Variants in CFAP46 observed in about 807,000 individuals in gnomAD.
CFAP46 encodes cilia and flagella associated protein 46.
In CFAP46, 245 loss-of-function variants were observed where a neutral mutation model predicts 325.7. The ratio of observed to expected loss-of-function variants is 0.75; its 90% CI spans 0.68 to 0.84. The LOEUF (loss-of-function observed/expected upper bound fraction) is 0.84. Ranked by LOEUF, CFAP46 falls within the 40% of genes least tolerant of loss-of-function variation. The pLI, the probability that CFAP46 is intolerant of heterozygous loss-of-function variation, is 0.00. For missense variants in CFAP46, 3,346 were observed against 3,543.0 expected (o/e 0.94, Z 1.41); for synonymous variants, 1,523 against 1,495.9 (o/e 1.02, Z -0.42).
Position 132,834,234 on chromosome 10 carries a change from C to T in CFAP46, c.6867-111G>A, listed in dbSNP as rs376257826. On this transcript the variant is annotated intron_variant, in intron 48 of 57. Coordinates refer to ENST00000368586, the MANE Select transcript of CFAP46 (RefSeq NM_001200049.3). ...CTCTAAGGCAGCAGCACCACGAATC[C>T]CCACGCTCACTTCTGGGGATGGTCC... is the stretch of plus-strand genomic sequence containing the variant. The T allele has an allele frequency of 5.5e-4, 532 of 969,236 alleles. 7 individuals carry two copies. The South Asian group carries it at 7.4e-3, about 13-fold the overall frequency. 60.0% of individuals were successfully genotyped at this position (969,236 alleles called of 1,614,324 possible). A position where few individuals can be genotyped will look rare whatever the true frequency, so the allele number is the denominator to read the frequency against.
chr10:132,839,035 G>A (rs751751509), intron 44 of CFAP46, among the ~76,000 whole-genome samples: 14 of 152,280 alleles, frequency 9.2e-5, no homozygotes, highest in African/African-American at 1.7e-4. Context: ...TTCCAACCTC[G>A]TGCCATCTTC....
At chr10:132,845,930 A>C in intron 44 of CFAP46, 127 bp downstream of exon 44, 2 of 1,027,098 alleles carry the variant, frequency 1.9e-6, no homozygotes, top group Non-Finnish European at 2.8e-6. Flanking sequence ...GGGCACGGGG[A>C]GGGATGGCTC....
At chr10:132,837,931 A>ATGCACGGACACAGAGACGCACGTG (rs1848291621) in intron 44 of CFAP46, among the ~76,000 whole-genome samples, 1 of 142,216 alleles carries the variant, frequency 7.0e-6, no homozygotes, top group African/African-American at 2.6e-5. Flanking sequence ...ACACGCAGAC[A>ATGCACGGACACAGAGACGCACGTG]TGCACGGACA....
chr10:132,938,051 G>C (rs1387214764), intron 5 of CFAP46, among the ~76,000 whole-genome samples: 1 of 152,168 alleles, frequency 6.6e-6, no homozygotes, highest in Admixed American at 6.5e-5. Flanking sequence ...AGCCTGCACA[G>C]AGAGTGCCGC....
intron 36 of CFAP46, 113 bp from the exon 37 acceptor site, chr10:132,860,636 A>G: frequency 8.5e-7 from 1 of 1,178,398 alleles, no homozygotes; most frequent in Admixed American, 2.1e-5. Flanking sequence ...GCGGGGGTAG[A>G]TACGGGTGTG....
rs1848686978 is a variant in CFAP46 at position 132,858,970 on chromosome 10, G to A, written c.5375+101C>T. Reference sequence around the variant, plus strand: ...AGGGTCCTGTGGACCCCGCGGGGGTGCAGCCGGGGTGAGCCAGGCCCAGAA... The same window carrying A: ...AGGGTCCTGTGGACCCCGCGGGGGTACAGCCGGGGTGAGCCAGGCCCAGAA... On this transcript the variant is annotated intron_variant, in intron 38 of 57. Transcript: ENST00000368586. 7.1e-6 allele frequency: 9 copies of A among 1,270,688 alleles called. No homozygotes were observed. In the East Asian group the frequency reaches 7.7e-5, roughly 11 times the overall value. 78.7% of individuals were successfully genotyped at this position (1,270,688 alleles called of 1,614,324 possible). A position where few individuals can be genotyped will look rare whatever the true frequency, so the allele number is the denominator to read the frequency against.
chr10:132,942,019 G>A lies in CFAP46; in HGVS notation c.135C>T (p.Ser45=), dbSNP rs1308230086. The part of the protein sequence containing the change: ...KSEFDPSESF[S]PDLFVLCAEQ... The stretch of plus-strand genomic sequence containing the variant: ...CTGCACACAGAACAAACAGGTCTGG[G>A]CTGAAGCTCTCTGAGGGGTCAAACT... The change falls in exon 2 of 58, where the codon AGC becomes AGT. Residue 45 remains serine, a synonymous_variant. Transcript: ENST00000368586. 3.9e-6 allele frequency: 6 copies of A among 1,551,758 alleles called. No individual in the cohort carries two copies. The highest frequency in any genetic ancestry group is 2.0e-5 in the Admixed American group (1 of 50,994).
Position 132,810,978 on chromosome 10 carries a change from T to G in CFAP46, c.7555A>C (p.Arg2519=). 1.2e-6 allele frequency: 2 copies of G among 1,607,532 alleles called. No individual in the cohort carries two copies. Among genetic ancestry groups the G allele is most frequent in the Non-Finnish European group, 8.5e-7 (1 of 1,177,196 alleles). Residue 2519 remains arginine, a synonymous_variant, in exon 56 of 58, where the codon AGG becomes CGG. Coordinates refer to ENST00000368586, the MANE Select transcript of CFAP46 (RefSeq NM_001200049.3). ...DLARSYQSLK[R]HMESVEHRRS... is the part of the protein sequence containing the mutation. ...CTGTGCTCCACGCTCTCCATGTGCC[T>G]CTTCAAGCTCTGGTAGGACCGCGCC...
In CFAP46 at chr10:132,847,078, G is replaced by A. The variant is rs267602418; in HGVS notation, c.6121C>T (p.Gln2041Ter). ...RMVLAQQYLA[Q>*]ASEVLLQCLQ... The stretch of plus-strand genomic sequence containing the variant: ...CACTGCAGCAGCACCTCTGACGCCT[G>A]AGCCAGGTACTGCTGGGCCAGAACC... The change falls in exon 43 of 58, where the codon CAG (glutamine) becomes TAG (stop). Residue 2041 changes from glutamine to a stop codon, truncating the protein, a stop_gained. Transcript: ENST00000368586. LOFTEE classifies it high-confidence loss of function. The surrounding 1 kb of genome is among the most constrained non-coding windows in gnomAD (Gnocchi z 5.2). 3 of 1,612,428 alleles carry A rather than the reference G, an allele frequency of 1.9e-6. No individual in the cohort carries two copies. The highest frequency in any genetic ancestry group is 1.3e-5 in the African/African-American group (1 of 75,066).
Position 132,808,838 on chromosome 10 carries a change from G to A in CFAP46, c.7731C>T (p.His2577=), listed in dbSNP as rs370138108. The part of the protein sequence containing the change: ...AAPKLRAPSH[H]AQLGPVWAAA... The stretch of plus-strand genomic sequence containing the variant: ...CAGCCCATACAGGACCAAGTTGAGC[G>A]TGGTGGGAAGGAGCTCGGAGCTTTG... Residue 2577 remains histidine, a synonymous_variant, in exon 58 of 58, where the codon CAC becomes CAT. Transcript: ENST00000368586. The surrounding 1 kb of genome is among the most constrained non-coding windows in gnomAD (Gnocchi z 6.8). 2.7e-5 allele frequency: 44 copies of A among 1,605,512 alleles called. No homozygotes were observed. Among genetic ancestry groups the A allele is most frequent in the African/African-American group, 1.3e-4 (10 of 74,788 alleles).
In CFAP46 at chr10:132,874,145, G is replaced by A. The variant is rs182467570; in HGVS notation, c.4363-1321C>T. 1.3e-3 allele frequency among the ~76,000 whole-genome samples: 200 copies of A among 152,288 alleles called. 1 individual carries two copies. Among genetic ancestry groups the A allele is most frequent in the Non-Finnish European group, 1.6e-4 (11 of 68,032 alleles). The stretch of plus-strand genomic sequence containing the variant: ...ACTTGTAACTGACTAAAAGGCCAGC[G>A]TAACTTTTACCACATCCTGAGGAGG... On this transcript the variant is annotated intron_variant, in intron 31 of 57. Coordinates refer to ENST00000368586, the MANE Select transcript of CFAP46 (RefSeq NM_001200049.3).
chr10:132,921,444 G>A (rs963383430), intron 13 of CFAP46, among the ~76,000 whole-genome samples: 6 of 152,226 alleles, frequency 3.9e-5, no homozygotes, highest in African/African-American at 1.4e-4. Flanking sequence ...GGGCCGTACG[G>A]CCCCGTGTCC....
Position 132,809,849 on chromosome 10 carries a change from C to G in CFAP46, c.7664+560G>C, listed in dbSNP as rs540934657. Among the ~76,000 whole-genome samples, 329 of 152,306 alleles carry G rather than the reference C, an allele frequency of 2.2e-3. 1 individual carries two copies. The highest frequency in any genetic ancestry group is 7.1e-3 in the African/African-American group (297 of 41,552). On this transcript the variant is annotated intron_variant, in intron 57 of 57. Transcript: ENST00000368586. ...TTCCCCTGTGAGGCCAAGAGAGGGA[C>G]GGGCGCTGGATGCCATGTGACAGGC... is the stretch of plus-strand genomic sequence containing the variant.
intron 32 of CFAP46, 34 bp downstream of exon 32, chr10:132,872,642 G>A: frequency 6.5e-7 from 1 of 1,550,222 alleles, no homozygotes; most frequent in Non-Finnish European, 8.7e-7. Flanking sequence ...TTTGCTTTGG[G>A]GAAATCACAC....
At chr10:132,812,749 C>A in intron 55 of CFAP46, 36 bp downstream of exon 55, 1 of 1,527,606 alleles carries the variant, frequency 6.5e-7, no homozygotes, top group Non-Finnish European at 9.0e-7. Context: ...TGTCCTGTGC[C>A]CGCGGGGGAG....
chr10:132,823,502 C>T (rs1426629616), intron 50 of CFAP46, among the ~76,000 whole-genome samples: 1 of 106,518 alleles, frequency 9.4e-6, no homozygotes, highest in Non-Finnish European at 1.8e-5. Flanking sequence ...CTGATGTGTG[C>T]TGTGTGCTGA....
At chr10:132,907,122 G>C (rs1849468266) in intron 22 of CFAP46, among the ~76,000 whole-genome samples, 1 of 152,232 alleles carries the variant, frequency 6.6e-6, no homozygotes, top group South Asian at 2.1e-4. Flanking sequence ...ATGGGGCGTG[G>C]GCCTGGGGCG....
At position 132,880,247 on chromosome 10, in the gene CFAP46, C is replaced by A. The variant is rs1849020025; in HGVS notation, c.3799+614G>T. Among the ~76,000 whole-genome samples, 4 of 152,228 alleles carry A rather than the reference C, an allele frequency of 2.6e-5. No individual in the cohort carries two copies. In the South Asian group the frequency reaches 8.3e-4, roughly 31 times the overall value. On this transcript the variant is annotated intron_variant, in intron 28 of 57. Coordinates refer to ENST00000368586, the MANE Select transcript of CFAP46 (RefSeq NM_001200049.3). The stretch of plus-strand genomic sequence containing the variant: ...CTGCGCTCCCCACAGAGTTTCTGCC[C>A]CGGGTCACCCTGGGCTGATGCCCAG...
rs761790734 is a variant in CFAP46 at position 132,847,088 on chromosome 10, C to T, written c.6111G>A (p.Gln2037=). Residue 2037 remains glutamine (Q), a synonymous_variant, in exon 43 of 58, where the codon CAG becomes CAA. Coordinates refer to ENST00000368586, the MANE Select transcript of CFAP46 (RefSeq NM_001200049.3). The surrounding 1 kb of genome is among the most constrained non-coding windows in gnomAD (Gnocchi z 5.2). ...GCACCTCTGACGCCTGAGCCAGGTACTGCTGGGCCAGAACCATCCTCCTCT... is the reference window on the plus strand; with the variant it reads ...GCACCTCTGACGCCTGAGCCAGGTATTGCTGGGCCAGAACCATCCTCCTCT... The part of the protein sequence containing the change: ...DLKRRMVLAQ[Q]YLAQASEVLL... 5.6e-6 allele frequency: 9 copies of T among 1,611,656 alleles called. No individual in the cohort carries two copies. The highest frequency in any genetic ancestry group is 1.7e-6 in the Non-Finnish European group (2 of 1,179,506).
Sources: gnomAD v4.1 joint callset for allele counts (sites outside exome capture counted in the v4.1 genomes callset) on GRCh38, gnomAD v4.1.1 for gene constraint, Gnocchi (gnomAD v3.1) non-coding constraint, MANE v1.5 for transcripts, NCBI Gene and HGNC (gene_info 2026-07-23, HGNC 2026-07-21) for gene names.